RPSA: variants seen among roughly 807,000 people sequenced by gnomAD.
RPSA encodes ribosomal protein SA, also known as small ribosomal subunit protein uS2.
For missense variants in RPSA, 140 were observed against 372.8 expected, an observed-to-expected ratio of 0.38 and a Z score of 5.14; for synonymous variants, 103 against 126.7, an observed-to-expected ratio of 0.81 and a Z score of 1.25.
chr3:39,410,221 T>A (rs7621701), intron 3 of RPSA: 19,921 of 147,198 alleles, frequency 0.14, 1,453 homozygotes, highest in Middle Eastern at 0.19. Flanking sequence ...CACAGCTCTA[T>A]TTTAATAATT....
chr3:39,411,167 G>A (rs2125595479), intron 4 of RPSA, 168 bp downstream of exon 4: 1 of 803,794 alleles, frequency 1.2e-6, no homozygotes, highest in African/African-American at 1.7e-5. Context: ...AGGGTCTCTG[G>A]CCCAATGAGT....
At chr3:39,409,504 A>G (rs2041974596) in intron 3 of RPSA, among the ~76,000 whole-genome samples, 1 of 152,230 alleles carries the variant, frequency 6.6e-6, no homozygotes, top group Non-Finnish European at 1.5e-5. Flanking sequence ...CCCAGCCTGT[A>G]AGACCTTTTC....
chr3:39,407,303 C>T (rs183574561), intron 1 of RPSA, among the ~76,000 whole-genome samples: 174 of 152,302 alleles, frequency 1.1e-3, no homozygotes, highest in African/African-American at 4.0e-3. Context: ...CCAAACATGG[C>T]TGCTCTTTTG....
intron 2 of RPSA, 162 bp downstream of exon 2, chr3:39,407,948 GAA>G: frequency 1.6e-6 from 1 of 617,560 alleles, no homozygotes; most frequent in South Asian, 2.0e-5. Context: ...GTTATTGAGA[GAA>G]AAGATTTCTG....
At chr3:39,408,583 C>A (rs772994722) in intron 2 of RPSA, 23 bp from the exon 3 acceptor site, 7 of 1,290,752 alleles carry the variant, frequency 5.4e-6, no homozygotes, top group East Asian at 2.3e-5. Context: ...TCAAGTGTTA[C>A]AAATCCTTCT....
At position 39,410,975 on chromosome 3, in the gene RPSA, C is replaced by T; in HGVS notation, c.474C>T (p.Asp158=). 2 of 1,599,650 alleles carry T rather than the reference C, an allele frequency of 1.3e-6. No homozygotes were observed. Among genetic ancestry groups the T allele is most frequent in the Non-Finnish European group, 1.7e-6 (2 of 1,179,844 alleles). Reference sequence around the variant, plus strand: ...CAGATTCTCCTCTGCGCTATGTGGACATTGCCATCCCATGCAACAACAAGG... The same window carrying T: ...CAGATTCTCCTCTGCGCTATGTGGATATTGCCATCCCATGCAACAACAAGG... ...CNTDSPLRYV[D]IAIPCNNKGA... is the part of the protein sequence containing the mutation. Residue 158 remains aspartate (D), a synonymous_variant, in exon 4 of 7, where the codon GAC becomes GAT. Coordinates refer to ENST00000301821, the MANE Select transcript of RPSA (RefSeq NM_002295.6).
At chr3:39,408,872 G>T (rs2041960077) in intron 3 of RPSA, 148 bp downstream of exon 3, 3 of 590,878 alleles carry the variant, frequency 5.1e-6, no homozygotes, top group Non-Finnish European at 9.2e-6. Flanking sequence ...GTGGAGTCCG[G>T]CGTATTACGA....
intron 1 of RPSA, 127 bp from the exon 2 acceptor site, chr3:39,407,494 T>A (rs760657064): frequency 7.0e-5 from 53 of 759,858 alleles, no homozygotes; most frequent in Non-Finnish European, 1.2e-4. Flanking sequence ...TAACTTTCTG[T>A]TTACCCTTCA....
intron 1 of RPSA, chr3:39,406,986 G>A (rs1398834834): frequency 2.2e-6 from 1 of 451,678 alleles, no homozygotes; most frequent in African/African-American, 2.0e-5. Flanking sequence ...TCCAGCGGAG[G>A]CTCCGAGCTG....
intron 6 of RPSA, 48 bp from the exon 7 acceptor site, chr3:39,412,226 C>T (rs2042015782): frequency 8.8e-6 from 13 of 1,473,706 alleles, no homozygotes; most frequent in African/African-American, 1.4e-5. Context: ...AGGAAAAATA[C>T]TACATTGAGG....
intron 1 of RPSA, 147 bp downstream of exon 1, chr3:39,406,911 C>A (rs1175093275): frequency 4.4e-6 from 2 of 455,296 alleles, no homozygotes; most frequent in Admixed American, 4.7e-5. Context: ...GGCCTGCGGC[C>A]CGCACGTGGC....
chr3:39,408,583 C>G (rs772994722), intron 2 of RPSA, 23 bp from the exon 3 acceptor site: 2 of 1,290,752 alleles, frequency 1.5e-6, no homozygotes, highest in Admixed American at 1.7e-5. Context: ...TCAAGTGTTA[C>G]AAATCCTTCT....
At chr3:39,409,356 C>T (rs2041971450) in intron 3 of RPSA, among the ~76,000 whole-genome samples, 1 of 152,056 alleles carries the variant, frequency 6.6e-6, no homozygotes, top group Non-Finnish European at 1.5e-5. Context: ...CATGTGCCAC[C>T]ATGCCTGACT....
chr3:39,408,874 G>A (rs946450702), intron 3 of RPSA, 150 bp downstream of exon 3: 18 of 617,880 alleles, frequency 2.9e-5, no homozygotes, highest in Admixed American at 7.8e-5. Flanking sequence ...GGAGTCCGGC[G>A]TATTACGAGG....
intron 2 of RPSA, chr3:39,408,369 ATTT>A: frequency 1.4e-6 from 1 of 712,954 alleles, no homozygotes; most frequent in Non-Finnish European, 2.6e-6. Context: ...GGAAAGATGG[ATTT>A]AGCCAACTGA....
chr3:39,407,126 T>A (rs1021590089), intron 1 of RPSA: 1 of 391,674 alleles, frequency 2.6e-6, no homozygotes, highest in Non-Finnish European at 5.0e-6. Context: ...CTACTTGGGC[T>A]GGTCGGGTTT....
chr3:39,406,789 CG>C, intron 1 of RPSA, 25 bp downstream of exon 1: 1 of 447,406 alleles, frequency 2.2e-6, no homozygotes, highest in Non-Finnish European at 4.5e-6. Context: ...GCGTCCCTGG[CG>C]CCTTCCAGGG....
At chr3:39,409,012 T>C in intron 3 of RPSA, 1 of 325,594 alleles carries the variant, frequency 3.1e-6, no homozygotes, top group Non-Finnish European at 5.8e-6. Context: ...GTGAACCCGG[T>C]GGGCGGAGCT....
rs142951014 is a variant in RPSA, at chr3:39,411,477, C to G, written c.499-172C>G. 4.3e-5 allele frequency: 29 copies of G among 675,068 alleles called. No individual in the cohort carries two copies. In the African/African-American group the frequency reaches 5.1e-4, roughly 12 times the overall value. 41.8% of individuals were successfully genotyped at this position (675,068 alleles called of 1,614,324 possible). The stretch of plus-strand genomic sequence containing the variant: ...CATTTTTTTTTCAATCCCTATGATT[C>G]CAGTGTGCAGACAAGGTTGAAAATC... On this transcript the variant is annotated intron_variant, in intron 4 of 6. Coordinates refer to ENST00000301821, the MANE Select transcript of RPSA (RefSeq NM_002295.6).
Sources: gnomAD v4.1 joint callset for allele counts (sites outside exome capture counted in the v4.1 genomes callset) on GRCh38, gnomAD v4.1.1 for gene constraint, MANE v1.5 for transcripts, NCBI Gene and HGNC (gene_info 2026-07-23, HGNC 2026-07-21) for gene names.